Variants in RTN1 observed in about 807,000 individuals in gnomAD.
RTN1 encodes the protein reticulon 1, also known as reticulon-1.
Under a neutral mutation model 65.5 loss-of-function variants are expected in RTN1, and 25 were observed. That is an observed-to-expected ratio of 0.38 (90% CI 0.28 to 0.53). RTN1 has a LOEUF of 0.53. Ranked by LOEUF, RTN1 falls within the 20% of genes least tolerant of loss-of-function variation. The probability of loss-of-function intolerance (pLI) is 0.79; values close to 1 mark genes in which losing one functional copy is unlikely to be tolerated. For synonymous variants in RTN1, 471 were observed against 447.6 expected (o/e 1.05, Z -0.66); for missense variants, 983 against 1,025.4 (o/e 0.96, Z 0.57).
intron 3 of RTN1, among the ~76,000 whole-genome samples, chr14:59,699,436 TTGAG>T (rs1482246328): frequency 2.6e-5 from 4 of 152,244 alleles, no homozygotes; most frequent in African/African-American, 9.6e-5. Context: ...CCATCTAATA[TTGAG>T]TAACATATTT....
chr14:59,649,625 T>C (rs59146628), intron 3 of RTN1, among the ~76,000 whole-genome samples: 54,065 of 152,136 alleles, frequency 0.36, 11,346 homozygotes, highest in East Asian at 0.47. Flanking sequence ...AAGACATTTA[T>C]GTGGCTAACA....
intron 3 of RTN1, among the ~76,000 whole-genome samples, chr14:59,691,993 A>G (rs990338273): frequency 6.6e-6 from 1 of 152,234 alleles, no homozygotes; most frequent in Non-Finnish European, 1.5e-5. Flanking sequence ...TTGAACAGGC[A>G]AAAGCTGGAA....
intron 3 of RTN1, among the ~76,000 whole-genome samples, chr14:59,682,986 C>T (rs1401367209): frequency 1.3e-5 from 2 of 151,974 alleles, no homozygotes; most frequent in South Asian, 4.2e-4. Flanking sequence ...TTTTGGTTCT[C>T]GGTTAATATT....
intron 3 of RTN1, among the ~76,000 whole-genome samples, chr14:59,608,991 A>T (rs1393447731): frequency 1.3e-5 from 2 of 152,168 alleles, no homozygotes; most frequent in Admixed American, 1.3e-4. Flanking sequence ...GACCATTAGA[A>T]ATTCATTTCT....
chr14:59,685,694 TATTCATG>T, intron 3 of RTN1, among the ~76,000 whole-genome samples: 1 of 152,292 alleles, frequency 6.6e-6, no homozygotes, highest in Middle Eastern at 3.4e-3. Context: ...AAAGATCTCA[TATTCATG>T]AATTAGAAGA....
At chr14:59,627,919 C>G (rs1882442659) in intron 3 of RTN1, among the ~76,000 whole-genome samples, 1 of 152,138 alleles carries the variant, frequency 6.6e-6, no homozygotes, top group Non-Finnish European at 1.5e-5. Context: ...AGGACATCAT[C>G]AACAGTGTTG....
At chr14:59,858,181 C>A (rs984485709) in intron 1 of RTN1, among the ~76,000 whole-genome samples, 1 of 152,150 alleles carries the variant, frequency 6.6e-6, no homozygotes, top group Non-Finnish European at 1.5e-5. Context: ...TCCTCTATTC[C>A]CCACGTCTCC....
intron 1 of RTN1, among the ~76,000 whole-genome samples, chr14:59,819,834 G>A (rs1886907248): frequency 6.6e-6 from 1 of 152,166 alleles, no homozygotes; most frequent in Admixed American, 6.5e-5. Flanking sequence ...CTCACTGCCT[G>A]GGCCGGTAGC....
chr14:59,649,815 G>T (rs1374908036), intron 3 of RTN1, among the ~76,000 whole-genome samples: 2 of 152,182 alleles, frequency 1.3e-5, no homozygotes, highest in Non-Finnish European at 2.9e-5. Flanking sequence ...GTGTAAATTA[G>T]TTCAACCATT....
intron 3 of RTN1, among the ~76,000 whole-genome samples, chr14:59,674,069 T>C (rs1883568518): frequency 6.6e-6 from 1 of 152,188 alleles, no homozygotes; most frequent in East Asian, 1.9e-4. Flanking sequence ...GTGTTAACCT[T>C]TTATAACCAC....
intron 1 of RTN1, among the ~76,000 whole-genome samples, chr14:59,777,724 C>T (rs769464757): frequency 1.6e-4 from 24 of 151,392 alleles, no homozygotes; most frequent in Middle Eastern, 3.2e-3. Flanking sequence ...GTATTTCCAG[C>T]AAAATATAAT....
intron 1 of RTN1, among the ~76,000 whole-genome samples, chr14:59,864,441 T>G (rs1887762913): frequency 6.6e-6 from 1 of 152,130 alleles, no homozygotes; most frequent in Non-Finnish European, 1.5e-5. Flanking sequence ...TGACTATCCC[T>G]CTCATTCCCA....
chr14:59,718,806 T>A (rs536795906), intron 3 of RTN1, among the ~76,000 whole-genome samples: 2 of 152,342 alleles, frequency 1.3e-5, no homozygotes, highest in South Asian at 4.1e-4. Context: ...TATTTTTGCA[T>A]CTCTTTGTAA....
In RTN1 at chr14:59,836,150, A is replaced by C. The variant is rs1272763879; in HGVS notation, c.241+34240T>G. ...CTGGATAATCGAGGCTAATCTTTTCAACTCAGGATCCTAAACTTAAGCACA... is the reference window on the plus strand; with the variant it reads ...CTGGATAATCGAGGCTAATCTTTTCCACTCAGGATCCTAAACTTAAGCACA... On this transcript the variant is annotated intron_variant, in intron 1 of 8. Transcript: ENST00000267484. This position sits in a 1 kb window ranked among gnomAD's most constrained non-coding sequence, Gnocchi z 4.9. Among the ~76,000 whole-genome samples, 4 of 152,178 alleles carry C rather than the reference A, an allele frequency of 2.6e-5. No individual in the cohort carries two copies. Among genetic ancestry groups the C allele is most frequent in the Non-Finnish European group, 5.9e-5 (4 of 68,020 alleles).
intron 3 of RTN1, among the ~76,000 whole-genome samples, chr14:59,616,456 T>C (rs188174067): frequency 1.3e-5 from 2 of 152,200 alleles, no homozygotes; most frequent in Admixed American, 6.5e-5. Flanking sequence ...ATGCTGAAAA[T>C]TGTGACATTA....
chr14:59,601,598 G>A (rs899105947), intron 8 of RTN1, among the ~76,000 whole-genome samples: 1 of 152,158 alleles, frequency 6.6e-6, no homozygotes, highest in Non-Finnish European at 1.5e-5. Flanking sequence ...AAATGAAAAA[G>A]TAATAGGTAT....
chr14:59,662,368 T>C (rs996534963), intron 3 of RTN1, among the ~76,000 whole-genome samples: 38 of 138,764 alleles, frequency 2.7e-4, no homozygotes, highest in Non-Finnish European at 5.6e-4. Context: ...TGTCCAAGTG[T>C]TCTCATTGTT....
chr14:59,715,771 A>C (rs559980304), intron 3 of RTN1, among the ~76,000 whole-genome samples: 3 of 151,834 alleles, frequency 2.0e-5, no homozygotes, highest in African/African-American at 7.3e-5. Context: ...GGTTGCAGTG[A>C]GCCGACATCG....
chr14:59,835,731 G>C (rs12433741), intron 1 of RTN1, among the ~76,000 whole-genome samples: 39,873 of 151,974 alleles, frequency 0.26, 5,543 homozygotes, highest in East Asian at 0.55. Flanking sequence ...ATTATGTTAA[G>C]GCTGTGATTA....
Sources: allele counts gnomAD v4.1 joint callset (sites outside exome capture counted in the v4.1 genomes callset), GRCh38; gene constraint gnomAD v4.1.1; non-coding constraint Gnocchi (gnomAD v3.1); transcripts MANE v1.5; gene names NCBI Gene and HGNC (gene_info 2026-07-23, HGNC 2026-07-21).